The following TLN1 variants were observed in gnomAD, a reference collection of about 807,000 sequenced individuals.
TLN1 encodes talin 1.
TLN1 carries 56 observed loss-of-function variants against 292.3 expected under a neutral mutation model. That is an observed-to-expected ratio of 0.19 (90% confidence interval 0.15 to 0.24). The LOEUF is 0.24. Among genes scored for constraint, TLN1 ranks in the 10% least tolerant of loss-of-function variants. TLN1 has a pLI of 1.00. For missense variants in TLN1, 2,433 were observed against 3,248.2 expected (o/e 0.75, Z 6.10); for synonymous variants, 1,119 against 1,253.7 (o/e 0.89, Z 2.27).
Position 35,711,985 on chromosome 9 carries a change from A to G in TLN1, c.3681+20T>C. On this transcript the variant is annotated intron_variant, in intron 28 of 56. Coordinates refer to ENST00000314888, the MANE Select transcript of TLN1 (RefSeq NM_006289.4). ...CATTCTTTGACTCCTACGTTCCCCC[A>G]CCCCCTACCGTCCTCCTACCGAGTC... The G allele has an allele frequency of 1.9e-6, 3 of 1,611,960 alleles. No homozygotes were observed. Among genetic ancestry groups the G allele is most frequent in the Non-Finnish European group, 2.5e-6 (3 of 1,179,392 alleles).
chr9:35,724,826 T>C lies in TLN1; in HGVS notation c.358+4A>G. ...AGGCTTTCAACTGTACTAGGGCCCC[T>C]TACCAATGCGGGCACAGATGGTCAT... On this transcript the variant is annotated splice_donor_region_variant and intron_variant, in intron 4 of 56. Coordinates refer to ENST00000314888, the MANE Select transcript of TLN1 (RefSeq NM_006289.4). This position sits in a 1 kb window ranked among gnomAD's most constrained non-coding sequence, Gnocchi z 4.7. The C allele has an allele frequency of 6.2e-7, 1 of 1,614,184 alleles. No homozygotes were observed. The highest frequency in any genetic ancestry group is 8.5e-7 in the Non-Finnish European group (1 of 1,180,032).
In TLN1 at chr9:35,704,910, A is replaced by T. The variant is rs556009469; in HGVS notation, c.5734-95T>A. The T allele has an allele frequency of 4.6e-5, 65 of 1,400,140 alleles. No individual in the cohort carries two copies. The highest frequency in any genetic ancestry group is 1.9e-4 in the Middle Eastern group (1 of 5,400). 86.7% of individuals were successfully genotyped at this position (1,400,140 alleles called of 1,614,324 possible). A position where few individuals can be genotyped will look rare whatever the true frequency, so the allele number is the denominator to read the frequency against. On this transcript the variant is annotated intron_variant, in intron 43 of 56. Coordinates refer to ENST00000314888, the MANE Select transcript of TLN1 (RefSeq NM_006289.4). The surrounding 1 kb of genome is among the most constrained non-coding windows in gnomAD (Gnocchi z 6.9). ...AGTCACTAAGGACATAGAAAAAAAC[A>T]TGCATTGTAGACTAAAGAAGCAGAG...
At chr9:35,716,337 GCT>G in intron 20 of TLN1, 51 bp downstream of exon 20, 1 of 1,602,958 alleles carries the variant, frequency 6.2e-7, no homozygotes. Context: ...CATCTGGACT[GCT>G]CTACTTCCCT....
Position 35,697,707 on chromosome 9 carries a change from G to T in TLN1, c.*84C>A. On this transcript the variant is annotated 3_prime_UTR_variant, in exon 57 of 57. Transcript: ENST00000314888. The stretch of plus-strand genomic sequence containing the variant: ...CTTTGGGGAGTGCTGGGGTTGGGCA[G>T]GTTGGGCCCCGACAGCCCAGAAGGC... 6.4e-7 allele frequency: 1 copy of T among 1,562,846 alleles called. No individual in the cohort carries two copies. The highest frequency in any genetic ancestry group is 8.7e-7 in the Non-Finnish European group (1 of 1,154,176).
Position 35,719,458 on chromosome 9 carries a change from G to T in TLN1, c.1687+61C>A. Reference sequence around the variant, plus strand: ...CACACATGAAGCCAGTCACATGCATGCCTGTGCACACTTGCACCCCCTCTC... The same window carrying T: ...CACACATGAAGCCAGTCACATGCATTCCTGTGCACACTTGCACCCCCTCTC... On this transcript the variant is annotated intron_variant, in intron 15 of 56. Transcript: ENST00000314888. The surrounding 1 kb of genome is among the most constrained non-coding windows in gnomAD (Gnocchi z 4.6). The T allele has an allele frequency of 6.8e-7, 1 of 1,469,882 alleles. No individual in the cohort carries two copies. The highest frequency in any genetic ancestry group is 9.5e-7 in the Non-Finnish European group (1 of 1,049,902). The allele number at this position is 1,469,882 out of a possible 1,614,324, so 91.1% of individuals were successfully genotyped here. A position where few individuals can be genotyped will look rare whatever the true frequency, so the allele number is the denominator to read the frequency against.
chr9:35,728,574 A>G (rs1419772724), intron 1 of TLN1, among the ~76,000 whole-genome samples: 2 of 152,112 alleles, frequency 1.3e-5, no homozygotes, highest in Non-Finnish European at 2.9e-5. Flanking sequence ...CTTTCCCACA[A>G]AGCTACCTTA....
chr9:35,717,393 C>T lies in TLN1; in HGVS notation c.2211G>A (p.Val737=), dbSNP rs878999191. 7.4e-6 allele frequency: 12 copies of T among 1,614,052 alleles called. No individual in the cohort carries two copies. Among genetic ancestry groups the T allele is most frequent in the Non-Finnish European group, 9.3e-6 (11 of 1,180,016 alleles). Residue 737 remains valine, a synonymous_variant, in exon 19 of 57, where the codon GTG becomes GTA. Coordinates refer to ENST00000314888, the MANE Select transcript of TLN1 (RefSeq NM_006289.4). This position sits in a 1 kb window ranked among gnomAD's most constrained non-coding sequence, Gnocchi z 4.7. ...CTTTGGCTACCAGTCGTCCAGCCTC[C>T]ACCAGTTGCTCTTGGCAGACAGGTG... ...ISSPVCQEQL[V]EAGRLVAKAV... is the part of the protein sequence containing the mutation.
intron 1 of TLN1, among the ~76,000 whole-genome samples, chr9:35,728,594 T>C (rs938327274): frequency 2.6e-5 from 4 of 152,168 alleles, no homozygotes; most frequent in African/African-American, 9.7e-5. Flanking sequence ...ACTCTCTCTA[T>C]ACACACATTA....
chr9:35,697,205 C>T lies in TLN1; in HGVS notation c.*586G>A, dbSNP rs1825382397. 6.5e-6 allele frequency: 1 copy of T among 152,808 alleles called. No homozygotes were observed. The highest frequency in any genetic ancestry group is 2.4e-5 in the African/African-American group (1 of 41,452). 9.5% of individuals were successfully genotyped at this position (152,808 alleles called of 1,614,324 possible). A position where few individuals can be genotyped will look rare whatever the true frequency, so the allele number is the denominator to read the frequency against. Reference sequence around the variant, plus strand: ...GGGTCCGGGTGCAAGGAGGAAGGGACCTCAGGTGCAGACTGCCAGTCTTCC... The same window carrying T: ...GGGTCCGGGTGCAAGGAGGAAGGGATCTCAGGTGCAGACTGCCAGTCTTCC... On this transcript the variant is annotated 3_prime_UTR_variant, in exon 57 of 57. Coordinates refer to ENST00000314888, the MANE Select transcript of TLN1 (RefSeq NM_006289.4).
chr9:35,717,831 A>G lies in TLN1; in HGVS notation c.1996-45T>C. The G allele has an allele frequency of 4.5e-6, 7 of 1,569,962 alleles. No homozygotes were observed. The highest frequency in any genetic ancestry group is 6.1e-6 in the Non-Finnish European group (7 of 1,150,592). Reference sequence around the variant, plus strand: ...AGCATGACCTGAGATTGGGCTTGGGATTCACAGACACTTCTCAGAGGCGTA... The same window carrying G: ...AGCATGACCTGAGATTGGGCTTGGGGTTCACAGACACTTCTCAGAGGCGTA... On this transcript the variant is annotated intron_variant, in intron 17 of 56. Coordinates refer to ENST00000314888, the MANE Select transcript of TLN1 (RefSeq NM_006289.4). The surrounding 1 kb of genome is among the most constrained non-coding windows in gnomAD (Gnocchi z 4.7).
intron 33 of TLN1, among the ~76,000 whole-genome samples, chr9:35,709,990 A>G (rs1587981033): frequency 2.1e-5 from 3 of 144,760 alleles, no homozygotes; most frequent in Admixed American, 7.0e-5. Context: ...AGGCAGGTGG[A>G]TCACGAGTCA....
chr9:35,704,451 C>G lies in TLN1; in HGVS notation c.5928G>C (p.Gln1976His). The G allele has an allele frequency of 6.2e-7, 1 of 1,613,876 alleles. No homozygotes were observed. The highest frequency in any genetic ancestry group is 8.5e-7 in the Non-Finnish European group (1 of 1,179,830). Residue 1976 changes from glutamine to histidine, a missense_variant, in exon 45 of 57, where the codon CAG (glutamine) becomes CAC (histidine). Gln to His is a conservative substitution (Grantham distance 24, BLOSUM62 0). Around this residue, in one of 7 missense-constraint regions of TLN1, gnomAD observed 1,384 missense variants for 1,699.6 expected, o/e 0.81. Transcript: ENST00000314888. The surrounding 1 kb of genome is among the most constrained non-coding windows in gnomAD (Gnocchi z 6.9). ...CAGCGCTGGCTGCTGTGATGCAGGC[C>G]TGGGTGCCACGATTCCCAGCCTGGA... ...AALQAGNRGT[Q>H]ACITAASAVS...
At position 35,704,602 on chromosome 9, in the gene TLN1, G is replaced by C; in HGVS notation, c.5880+67C>G. On this transcript the variant is annotated intron_variant, in intron 44 of 56. Coordinates refer to ENST00000314888, the MANE Select transcript of TLN1 (RefSeq NM_006289.4). The surrounding 1 kb of genome is among the most constrained non-coding windows in gnomAD (Gnocchi z 6.9). ...CAACAGGAGAGGGCTGAGAGGGCTG[G>C]AGGAGGATGGCAAAGGCTACAGAGT... 1 of 1,600,654 alleles carries C rather than the reference G, an allele frequency of 6.2e-7. No homozygotes were observed. The highest frequency in any genetic ancestry group is 8.5e-7 in the Non-Finnish European group (1 of 1,172,106).
At position 35,724,455 on chromosome 9, in the gene TLN1, T is replaced by C; in HGVS notation, c.511+117A>G. ...AATGTAAGTCCCATGAGTGTAGGAC[T>C]TTGTTTTCTCACTGATGTATCCCCA... On this transcript the variant is annotated intron_variant, in intron 5 of 56. Coordinates refer to ENST00000314888, the MANE Select transcript of TLN1 (RefSeq NM_006289.4). This position sits in a 1 kb window ranked among gnomAD's most constrained non-coding sequence, Gnocchi z 4.7. 1 of 1,560,418 alleles carries C rather than the reference T, an allele frequency of 6.4e-7. No homozygotes were observed. The highest frequency in any genetic ancestry group is 1.4e-5 in the African/African-American group (1 of 73,408).
rs1024953266 is a variant in TLN1, at chr9:35,697,537, G to A, written c.*254C>T. On this transcript the variant is annotated 3_prime_UTR_variant, in exon 57 of 57. Transcript: ENST00000314888. The stretch of plus-strand genomic sequence containing the variant: ...CAGATTCAGATCGAGGTACAGCAGC[G>A]TTAATAATACTCTTGGAGCGTTAAT... 7.8e-6 allele frequency: 4 copies of A among 515,414 alleles called. No individual in the cohort carries two copies. The highest frequency in any genetic ancestry group is 3.9e-5 in the African/African-American group (2 of 51,632). The allele number at this position is 515,414 out of a possible 1,614,324, so 31.9% of individuals were successfully genotyped here.
In TLN1 at chr9:35,722,791, C is replaced by T. The variant is rs576077035; in HGVS notation, c.843+70G>A. ...GGGAGACGGGGAGGAGGCAGGGGGC[C>T]ATTTAGTCAGTAAGATTAAGCAGCA... On this transcript the variant is annotated intron_variant, in intron 8 of 56. Coordinates refer to ENST00000314888, the MANE Select transcript of TLN1 (RefSeq NM_006289.4). 4 of 1,516,464 alleles carry T rather than the reference C, an allele frequency of 2.6e-6. No homozygotes were observed. The Admixed American group carries it at 5.0e-5, about 19-fold the overall frequency. The allele number at this position is 1,516,464 out of a possible 1,614,324, so 93.9% of individuals were successfully genotyped here.
intron 1 of TLN1, among the ~76,000 whole-genome samples, chr9:35,731,234 A>G (rs186905653): frequency 1.3e-5 from 2 of 152,294 alleles, no homozygotes; most frequent in African/African-American, 4.8e-5. Context: ...TATCTGCTCA[A>G]GGTCAACTAT....
chr9:35,699,550 C>G lies in TLN1; in HGVS notation c.6769-89G>C. 6.7e-7 allele frequency: 1 copy of G among 1,489,416 alleles called. No homozygotes were observed. The highest frequency in any genetic ancestry group is 9.0e-7 in the Non-Finnish European group (1 of 1,116,216). The allele number at this position is 1,489,416 out of a possible 1,614,324, so 92.3% of individuals were successfully genotyped here. The stretch of plus-strand genomic sequence containing the variant: ...ATAGGGCAGACCATGGCCCCCTCAC[C>G]CCTATCCCTAGAGCACTCCACACCA... On this transcript the variant is annotated intron_variant, in intron 50 of 56. Transcript: ENST00000314888. The surrounding 1 kb of genome is among the most constrained non-coding windows in gnomAD (Gnocchi z 4.0).
Position 35,704,437 on chromosome 9 carries a change from G to A in TLN1, c.5942C>T (p.Ala1981Val). ...AATGATACCAGACACAGCGCTGGCTGCTGTGATGCAGGCCTGGGTGCCACG... is the reference window on the plus strand; with the variant it reads ...AATGATACCAGACACAGCGCTGGCTACTGTGATGCAGGCCTGGGTGCCACG... Reference protein sequence around the residue: ...GNRGTQACITAASAVSGIIAD... With the variant: ...GNRGTQACITVASAVSGIIAD... Residue 1981 changes from alanine to valine, a missense_variant, in exon 45 of 57, where the codon GCA becomes GTA. Physicochemically the swap from Ala to Val is moderately conservative, Grantham distance 64. Transcript: ENST00000314888. The surrounding 1 kb of genome is among the most constrained non-coding windows in gnomAD (Gnocchi z 6.9). 6.2e-7 allele frequency: 1 copy of A among 1,614,172 alleles called. No homozygotes were observed. Among genetic ancestry groups the A allele is most frequent in the Non-Finnish European group, 8.5e-7 (1 of 1,180,012 alleles).
Sources: gnomAD v4.1 joint callset for allele counts (sites outside exome capture counted in the v4.1 genomes callset) on GRCh38, gnomAD v4.1.1 for gene constraint, gnomAD v4.1.1 regional missense constraint, Gnocchi (gnomAD v3.1) non-coding constraint, MANE v1.5 for transcripts, NCBI Gene and HGNC (gene_info 2026-07-23, HGNC 2026-07-21) for gene names.